Variants in TTC7B observed in about 807,000 individuals in gnomAD.
The protein encoded by TTC7B is tetratricopeptide repeat protein 7B.
Under a neutral mutation model 106.8 loss-of-function variants are expected in TTC7B, and 28 were observed. That is an observed-to-expected ratio of 0.26 (90% CI 0.19 to 0.36). The LOEUF (loss-of-function observed/expected upper bound fraction) is 0.36. Among genes scored for constraint, TTC7B ranks in the 10% least tolerant of loss-of-function variants. The pLI is 1.00. For synonymous variants in TTC7B, 405 were observed against 430.6 expected, an observed-to-expected ratio of 0.94 and a Z score of 0.74; for missense variants, 862 against 1,076.4, an observed-to-expected ratio of 0.80 and a Z score of 2.79.
At chr14:90,543,039 C>T (rs769209967) in intron 19 of TTC7B, among the ~76,000 whole-genome samples, 19 of 152,320 alleles carry the variant, frequency 1.2e-4, no homozygotes, top group South Asian at 2.1e-4. Context: ...AATGTCCCTC[C>T]TTGTTGAAAT....
chr14:90,813,560 G>A (rs1483622401), intron 1 of TTC7B, among the ~76,000 whole-genome samples: 1 of 152,118 alleles, frequency 6.6e-6, no homozygotes, highest in Non-Finnish European at 1.5e-5. Context: ...GTTCTAAAAT[G>A]AGAAAACTGA....
chr14:90,737,136 G>C (rs1889565830), intron 4 of TTC7B, among the ~76,000 whole-genome samples: 1 of 151,986 alleles, frequency 6.6e-6, no homozygotes, highest in Admixed American at 6.6e-5. Flanking sequence ...ATGATAAAGA[G>C]TTAACATACT....
At chr14:90,654,846 G>C (rs766621785) in intron 12 of TTC7B, 147 bp downstream of exon 12, 20 of 631,970 alleles carry the variant, frequency 3.2e-5, no homozygotes, top group Non-Finnish European at 5.3e-5. Flanking sequence ...GAGGACAGCA[G>C]CACCAGGGGC....
intron 17 of TTC7B, among the ~76,000 whole-genome samples, chr14:90,597,943 A>G (rs1892277081): frequency 6.6e-6 from 1 of 152,222 alleles, no homozygotes; most frequent in African/African-American, 2.4e-5. Context: ...TATAGGACAT[A>G]TTTCCAATTT....
chr14:90,619,127 C>T (rs1349759963), intron 15 of TTC7B, among the ~76,000 whole-genome samples: 2 of 152,206 alleles, frequency 1.3e-5, no homozygotes, highest in African/African-American at 4.8e-5. Flanking sequence ...TGGTCTTGAG[C>T]TCCTGACCTC....
intron 7 of TTC7B, among the ~76,000 whole-genome samples, chr14:90,687,122 C>T (rs1453562576): frequency 2.0e-5 from 3 of 151,784 alleles, no homozygotes; most frequent in South Asian, 2.1e-4. Context: ...CCAATCATGG[C>T]GATGGATGCA....
rs1404279226 is a variant in TTC7B, at chr14:90,608,870, GCT to G, written c.1966+1870_1966+1871del. ...TCCAGGGAAATTAAGGTCCAGGCCA[GCT>G]GGAAGGAAAGGGGGTCTGAATTTAG... On this transcript the variant is annotated intron_variant, in intron 17 of 19. Transcript: ENST00000328459. The surrounding 1 kb of genome is among the most constrained non-coding windows in gnomAD (Gnocchi z 5.1). 3.3e-5 allele frequency among the ~76,000 whole-genome samples: 5 copies of G among 152,232 alleles called. No individual in the cohort carries two copies. The highest frequency in any genetic ancestry group is 1.2e-4 in the African/African-American group (5 of 41,464).
rs574466680 is a variant in TTC7B, at chr14:90,676,702, T to C, written c.1015-42A>G. 7 of 1,601,244 alleles carry C rather than the reference T, an allele frequency of 4.4e-6. No individual in the cohort carries two copies. In the African/African-American group the frequency reaches 6.7e-5, roughly 15 times the overall value. ...TAGAGAAGCAGATGGAGAGAGAACC[T>C]AGTGCTGCATGGCGGGGAGTCCACC... On this transcript the variant is annotated intron_variant, in intron 8 of 19. Transcript: ENST00000328459.
At chr14:90,659,973 C>T (rs1204195522) in intron 9 of TTC7B, among the ~76,000 whole-genome samples, 2 of 152,098 alleles carry the variant, frequency 1.3e-5, no homozygotes, top group Non-Finnish European at 2.9e-5. Flanking sequence ...AGGCAAGATC[C>T]TCCAGATAAG....
chr14:90,750,293 T>A (rs1182961750), intron 3 of TTC7B, among the ~76,000 whole-genome samples: 1 of 152,206 alleles, frequency 6.6e-6, no homozygotes, highest in Non-Finnish European at 1.5e-5. Flanking sequence ...ATATCAGGGA[T>A]TTAATATTTA....
intron 5 of TTC7B, among the ~76,000 whole-genome samples, chr14:90,701,450 G>A (rs1016505636): frequency 3.3e-5 from 5 of 151,990 alleles, no homozygotes; most frequent in Non-Finnish European, 7.4e-5. Context: ...GCCAGGACAG[G>A]AACACATAAA....
intron 1 of TTC7B, among the ~76,000 whole-genome samples, chr14:90,813,309 A>G (rs1449631711): frequency 6.6e-6 from 1 of 152,180 alleles, no homozygotes; most frequent in African/African-American, 2.4e-5. Flanking sequence ...CCTAATGATT[A>G]TATTGATTAT....
At chr14:90,660,491 C>G (rs1333332702) in intron 9 of TTC7B, among the ~76,000 whole-genome samples, 1 of 151,810 alleles carries the variant, frequency 6.6e-6, no homozygotes, top group Non-Finnish European at 1.5e-5. Context: ...ACAAAATCCC[C>G]CTCCACCAAA....
Position 90,578,410 on chromosome 14 carries a change from G to A in TTC7B, c.2108-102C>T, listed in dbSNP as rs1306952248. 8.9e-6 allele frequency: 11 copies of A among 1,231,474 alleles called. No individual in the cohort carries two copies. The highest frequency in any genetic ancestry group is 2.3e-4 in the Middle Eastern group (1 of 4,328). 76.3% of individuals were successfully genotyped at this position (1,231,474 alleles called of 1,614,324 possible). A position where few individuals can be genotyped will look rare whatever the true frequency, so the allele number is the denominator to read the frequency against. On this transcript the variant is annotated intron_variant, in intron 18 of 19. Transcript: ENST00000328459. This position sits in a 1 kb window ranked among gnomAD's most constrained non-coding sequence, Gnocchi z 4.7. Reference sequence around the variant, plus strand: ...CGTGTTCCCTGCACGGGAGTCTGGCGGGGCGCAGAGCCAGCTGATCCCTGC... The same window carrying A: ...CGTGTTCCCTGCACGGGAGTCTGGCAGGGCGCAGAGCCAGCTGATCCCTGC...
At chr14:90,701,794 G>GTATATATATATATATATA (rs1365407194) in intron 5 of TTC7B, among the ~76,000 whole-genome samples, 12 of 124,880 alleles carry the variant, frequency 9.6e-5, no homozygotes, top group African/African-American at 4.2e-4. Flanking sequence ...GTGTGTGTGT[G>GTATATATATATATATATA]TGTATATATA....
At chr14:90,780,274 G>A (rs1026030461) in intron 3 of TTC7B, among the ~76,000 whole-genome samples, 1 of 151,916 alleles carries the variant, frequency 6.6e-6, no homozygotes, top group African/African-American at 2.4e-5. Context: ...CCAGCTACTC[G>A]GGAGGTTGAG....
chr14:90,610,676 C>T (rs1300733879), intron 17 of TTC7B, 66 bp downstream of exon 17: 3 of 1,176,578 alleles, frequency 2.5e-6, no homozygotes. Flanking sequence ...CATCCCATGT[C>T]ACTTGGTCCC....
At chr14:90,581,917 T>C (rs1002935585) in intron 18 of TTC7B, among the ~76,000 whole-genome samples, 5 of 152,110 alleles carry the variant, frequency 3.3e-5, no homozygotes, top group African/African-American at 9.7e-5. Flanking sequence ...GTCAGGATCA[T>C]GACGGTAAGG....
chr14:90,709,984 A>G (rs1888378432), intron 5 of TTC7B, among the ~76,000 whole-genome samples: 1 of 150,580 alleles, frequency 6.6e-6, no homozygotes, highest in African/African-American at 2.4e-5. Flanking sequence ...TGTGCCAGAA[A>G]AAAAAAAAAA....
Sources: gnomAD v4.1 joint callset for allele counts (sites outside exome capture counted in the v4.1 genomes callset) on GRCh38, gnomAD v4.1.1 for gene constraint, Gnocchi (gnomAD v3.1) non-coding constraint, MANE v1.5 for transcripts, NCBI Gene and HGNC (gene_info 2026-07-23, HGNC 2026-07-21) for gene names.